The following ATF7IP2 variants were observed in gnomAD, a reference collection of about 807,000 sequenced individuals.
ATF7IP2 encodes the protein activating transcription factor 7-interacting protein 2.
Under a neutral mutation model 64.2 loss-of-function variants are expected in ATF7IP2, and 42 were observed. That is an observed-to-expected ratio of 0.65 (90% CI 0.51 to 0.85). The LOEUF (loss-of-function observed/expected upper bound fraction) is 0.85, where lower values mean the gene tolerates loss of function less well. ATF7IP2 is among the 40% of genes least tolerant of loss of function. The pLI, the probability that ATF7IP2 is intolerant of heterozygous loss-of-function variation, is 0.00. For missense variants in ATF7IP2, 933 were observed against 784.2 expected, an observed-to-expected ratio of 1.19 and a Z score of -2.27; for synonymous variants, 308 against 272.8, an observed-to-expected ratio of 1.13 and a Z score of -1.27.
At chr16:10,441,128 A>G (rs2048605866) in intron 8 of ATF7IP2, among the ~76,000 whole-genome samples, 3 of 152,094 alleles carry the variant, frequency 2.0e-5, no homozygotes, top group African/African-American at 7.2e-5. Flanking sequence ...TAAGTGCCAC[A>G]TTGTCTTTAT....
At chr16:10,391,104 C>G (rs1410153497) in intron 1 of ATF7IP2, among the ~76,000 whole-genome samples, 1 of 151,508 alleles carries the variant, frequency 6.6e-6, no homozygotes, top group African/African-American at 2.4e-5. Flanking sequence ...TTACAGTGAG[C>G]TATGATCGCG....
intron 3 of ATF7IP2, among the ~76,000 whole-genome samples, chr16:10,428,640 C>G (rs781183609): frequency 1.3e-5 from 2 of 152,094 alleles, no homozygotes; most frequent in African/African-American, 2.4e-5. Context: ...GGAATGTGGT[C>G]TCTGGTGCCT....
At chr16:10,430,099 C>T (rs983603207) in intron 4 of ATF7IP2, among the ~76,000 whole-genome samples, 1 of 152,048 alleles carries the variant, frequency 6.6e-6, no homozygotes, top group African/African-American at 2.4e-5. Context: ...AATAATCCTT[C>T]CAACTCGGCC....
chr16:10,473,161 A>G (rs1475637644), intron 10 of ATF7IP2, among the ~76,000 whole-genome samples: 3 of 152,232 alleles, frequency 2.0e-5, no homozygotes, highest in Non-Finnish European at 4.4e-5. Flanking sequence ...AGGCAGTTGT[A>G]GTCTAAAAAT....
At chr16:10,452,694 T>A (rs983015354) in intron 8 of ATF7IP2, among the ~76,000 whole-genome samples, 5 of 152,112 alleles carry the variant, frequency 3.3e-5, no homozygotes, top group African/African-American at 1.2e-4. Context: ...GACATTTAAG[T>A]CTACTGAAGC....
At chr16:10,470,853 ATGTGTGTG>A (rs34438899) in intron 9 of ATF7IP2, among the ~76,000 whole-genome samples, 1 of 109,440 alleles carries the variant, frequency 9.1e-6, no homozygotes, top group African/African-American at 3.3e-5. Flanking sequence ...GTGTATATAT[ATGTGTGTG>A]TGTGTGTGTG....
chr16:10,410,508 G>A (rs186839491), intron 1 of ATF7IP2, among the ~76,000 whole-genome samples: 23 of 152,130 alleles, frequency 1.5e-4, no homozygotes, highest in Non-Finnish European at 2.6e-4. Context: ...GAATTCTTTT[G>A]TTAGTTTGGG....
chr16:10,412,446 A>G (rs1596460491), intron 1 of ATF7IP2, among the ~76,000 whole-genome samples: 2 of 152,308 alleles, frequency 1.3e-5, no homozygotes, highest in East Asian at 3.9e-4. Flanking sequence ...GTGATCATTC[A>G]GGAGCAGGTT....
chr16:10,465,193 G>C (rs928086861), intron 9 of ATF7IP2, among the ~76,000 whole-genome samples: 1 of 152,108 alleles, frequency 6.6e-6, no homozygotes, highest in Non-Finnish European at 1.5e-5. Context: ...TTACAGATGA[G>C]GAAACCAAAG....
intron 1 of ATF7IP2, among the ~76,000 whole-genome samples, chr16:10,409,114 C>G (rs775290853): frequency 6.6e-6 from 1 of 151,982 alleles, no homozygotes; most frequent in Non-Finnish European, 1.5e-5. Flanking sequence ...CTCCCATGGG[C>G]GGGGGGTAGG....
At chr16:10,456,188 A>T (rs2049159759) in intron 8 of ATF7IP2, among the ~76,000 whole-genome samples, 1 of 151,794 alleles carries the variant, frequency 6.6e-6, no homozygotes, top group Non-Finnish European at 1.5e-5. Context: ...TTCTTTTCAC[A>T]ATGTGAGAAA....
At chr16:10,479,814 C>A (rs12597172) in intron 12 of ATF7IP2, among the ~76,000 whole-genome samples, 1 of 151,604 alleles carries the variant, frequency 6.6e-6, no homozygotes, top group Non-Finnish European at 1.5e-5. Context: ...GTCAGAATGG[C>A]GATTATTAAA....
chr16:10,477,899 C>T (rs1255526639), intron 12 of ATF7IP2, among the ~76,000 whole-genome samples: 12 of 148,052 alleles, frequency 8.1e-5, no homozygotes, highest in Non-Finnish European at 6.0e-5. Flanking sequence ...AACTCCCATT[C>T]GCAATTGCTT....
intron 3 of ATF7IP2, among the ~76,000 whole-genome samples, chr16:10,420,090 G>A (rs1009000113): frequency 6.6e-6 from 1 of 152,162 alleles, no homozygotes; most frequent in African/African-American, 2.4e-5. Flanking sequence ...ATTCCACAAT[G>A]GGTTGTCCTT....
intron 9 of ATF7IP2, among the ~76,000 whole-genome samples, chr16:10,465,254 T>A (rs2049522866): frequency 6.6e-6 from 1 of 152,194 alleles, no homozygotes; most frequent in South Asian, 2.1e-4. Flanking sequence ...GAGGCTGGAT[T>A]TGGATCTAAA....
In ATF7IP2 at chr16:10,399,082, C is replaced by T. The variant is rs564043008; in HGVS notation, c.-242+12960C>T. 1.3e-4 allele frequency among the ~76,000 whole-genome samples: 20 copies of T among 151,438 alleles called. No homozygotes were observed. In the South Asian group the frequency reaches 4.2e-3, roughly 32 times the overall value. On this transcript the variant is annotated intron_variant, in intron 1 of 13. Transcript: ENST00000562102. The stretch of plus-strand genomic sequence containing the variant: ...GAGCCGAGATTGTGCCATTGCACTC[C>T]AGCCTGGGCAACAAGAAGGAAATTC...
chr16:10,431,736 T>A (rs192948513), intron 5 of ATF7IP2, among the ~76,000 whole-genome samples: 5 of 152,074 alleles, frequency 3.3e-5, no homozygotes, highest in Admixed American at 3.3e-4. Flanking sequence ...TTCATATACA[T>A]CTCTTCTTAT....
intron 1 of ATF7IP2, among the ~76,000 whole-genome samples, chr16:10,413,680 G>T (rs969893988): frequency 1.3e-5 from 2 of 152,090 alleles, no homozygotes; most frequent in Admixed American, 6.6e-5. Flanking sequence ...TCCGAGATTT[G>T]TTTCAAGATT....
intron 6 of ATF7IP2, among the ~76,000 whole-genome samples, chr16:10,436,467 A>G (rs758594110): frequency 2.0e-5 from 3 of 152,178 alleles, no homozygotes; most frequent in Non-Finnish European, 1.5e-5. Context: ...AAAAATGACA[A>G]TCATGTCTAA....
Sources: allele counts gnomAD v4.1 joint callset (sites outside exome capture counted in the v4.1 genomes callset), GRCh38; gene constraint gnomAD v4.1.1; transcripts MANE v1.5; gene names NCBI Gene and HGNC (gene_info 2026-07-23, HGNC 2026-07-21).